Variants in NDRG3 observed in about 807,000 individuals in gnomAD.
NDRG3 encodes NDRG family member 3.
A neutral mutation model predicts 57.2 loss-of-function variants in NDRG3; 23 were observed. The observed-to-expected ratio is 0.40, with a 90% CI of 0.29 to 0.57. The LOEUF (loss-of-function observed/expected upper bound fraction) is 0.57, where lower values mean the gene tolerates loss of function less well. NDRG3 is among the 20% of genes least tolerant of loss of function. The pLI, the probability that NDRG3 is intolerant of heterozygous loss-of-function variation, is 0.42. For missense variants in NDRG3, 384 were observed against 457.3 expected, an observed-to-expected ratio of 0.84 and a Z score of 1.46; for synonymous variants, 132 against 162.6, an observed-to-expected ratio of 0.81 and a Z score of 1.43.
At chr20:36,716,100 C>T (rs1319632461) in intron 2 of NDRG3, among the ~76,000 whole-genome samples, 2 of 151,412 alleles carry the variant, frequency 1.3e-5, no homozygotes, top group Non-Finnish European at 1.5e-5. Context: ...GGCATAAACG[C>T]TTTGGCTGTC....
At chr20:36,668,184 G>A (rs1038217137) in intron 9 of NDRG3, among the ~76,000 whole-genome samples, 3 of 152,190 alleles carry the variant, frequency 2.0e-5, no homozygotes, top group Non-Finnish European at 4.4e-5. Flanking sequence ...CGAGGCTGCA[G>A]CGAACTAAGA....
chr20:36,730,319 A>T (rs1408233037), intron 1 of NDRG3, among the ~76,000 whole-genome samples: 2 of 151,590 alleles, frequency 1.3e-5, no homozygotes, highest in African/African-American at 4.8e-5. Context: ...CAGTGGCACC[A>T]TCTTAGCTCA....
chr20:36,672,166 G>A (rs1052664551), intron 8 of NDRG3, among the ~76,000 whole-genome samples: 6 of 152,142 alleles, frequency 3.9e-5, no homozygotes, highest in African/African-American at 9.7e-5. Context: ...GAGGAAATGA[G>A]TTGTTTACAG....
At chr20:36,666,701 G>T (rs1979664392) in intron 9 of NDRG3, among the ~76,000 whole-genome samples, 1 of 152,024 alleles carries the variant, frequency 6.6e-6, no homozygotes, top group African/African-American at 2.4e-5. Flanking sequence ...TTAATGTTCT[G>T]CCATTCTTCA....
Sources: gnomAD v4.1 joint callset for allele counts (sites outside exome capture counted in the v4.1 genomes callset) on GRCh38, gnomAD v4.1.1 for gene constraint, MANE v1.5 for transcripts, NCBI Gene and HGNC (gene_info 2026-07-23, HGNC 2026-07-21) for gene names.